ERBB4: variants seen among roughly 807,000 people sequenced by gnomAD.
The protein encoded by ERBB4 is receptor tyrosine-protein kinase erbB-4.
ERBB4 carries 42 observed loss-of-function variants against 158.0 expected under a neutral mutation model. The observed-to-expected ratio is 0.27, with a 90% CI of 0.21 to 0.34. The LOEUF is 0.34. Ranked by LOEUF, ERBB4 falls within the 10% of genes least tolerant of loss-of-function variation. The pLI is 1.00. For missense variants in ERBB4, 1,333 were observed against 1,624.1 expected (o/e 0.82, Z 3.08); for synonymous variants, 583 against 558.7 (o/e 1.04, Z -0.61).
intron 20 of ERBB4, among the ~76,000 whole-genome samples, chr2:211,481,447 T>C (rs1430041292): frequency 1.3e-5 from 2 of 152,098 alleles, no homozygotes; most frequent in Non-Finnish European, 2.9e-5. Flanking sequence ...GTATTTCAAA[T>C]ATTTGTAACT....
chr2:212,042,447 CATAAA>C (rs1169129539), intron 2 of ERBB4, among the ~76,000 whole-genome samples: 2 of 152,038 alleles, frequency 1.3e-5, no homozygotes, highest in Admixed American at 6.6e-5. Context: ...AAATTGGGAA[CATAAA>C]ATAAAATCAT....
At chr2:211,446,182 G>A (rs2064108387) in intron 20 of ERBB4, among the ~76,000 whole-genome samples, 1 of 152,154 alleles carries the variant, frequency 6.6e-6, no homozygotes, top group Non-Finnish European at 1.5e-5. Context: ...CTGTGCACCA[G>A]CACAGCAGGT....
chr2:212,251,750 A>G (rs1288327140), intron 1 of ERBB4, among the ~76,000 whole-genome samples: 1 of 152,036 alleles, frequency 6.6e-6, no homozygotes, highest in Non-Finnish European at 1.5e-5. Context: ...AAATGGTAGG[A>G]AATGAATTTA....
At chr2:211,423,581 A>C (rs1574462893) in intron 23 of ERBB4, among the ~76,000 whole-genome samples, 1 of 152,058 alleles carries the variant, frequency 6.6e-6, no homozygotes, top group African/African-American at 2.4e-5. Context: ...GAAAAGTAAG[A>C]GTTTGATGTA....
intron 20 of ERBB4, among the ~76,000 whole-genome samples, chr2:211,529,585 G>T (rs545802449): frequency 6.6e-6 from 1 of 152,068 alleles, no homozygotes; most frequent in East Asian, 1.9e-4. Context: ...GAACACTGAT[G>T]CAAAAATTTT....
intron 1 of ERBB4, among the ~76,000 whole-genome samples, chr2:212,271,707 G>T (rs1164292306): frequency 2.6e-5 from 4 of 151,824 alleles, no homozygotes. Flanking sequence ...TCTGATAAAA[G>T]CCTGCTCTTT....
intron 1 of ERBB4, among the ~76,000 whole-genome samples, chr2:212,361,251 A>T (rs1197200270): frequency 6.6e-6 from 1 of 151,620 alleles, no homozygotes; most frequent in African/African-American, 2.4e-5. Context: ...TGAGGCTTTC[A>T]GGAAGACTCT....
In ERBB4 at chr2:211,580,797, TA is replaced by T. The variant is rs1471677213; in HGVS notation, c.2302-18710del. Among the ~76,000 whole-genome samples the T allele has an allele frequency of 2.7e-4, 17 of 64,100 alleles. No homozygotes were observed. In the South Asian group the frequency reaches 5.4e-3, roughly 20 times the overall value. The allele number at this position is 64,100 out of a possible 152,430, so 42.1% of individuals were successfully genotyped here. A position where few individuals can be genotyped will look rare whatever the true frequency, so the allele number is the denominator to read the frequency against. ...AGATAAAGAAATTGTGATATATATA[TA>T]TATATATATATATAATATATATATA... On this transcript the variant is annotated intron_variant, in intron 19 of 27. Transcript: ENST00000342788.
At chr2:212,100,117 T>C (rs554304172) in intron 2 of ERBB4, among the ~76,000 whole-genome samples, 1 of 152,358 alleles carries the variant, frequency 6.6e-6, no homozygotes, top group South Asian at 2.1e-4. Context: ...TTTTTTTTGT[T>C]GTTTCTTTGT....
intron 2 of ERBB4, among the ~76,000 whole-genome samples, chr2:212,116,257 T>A (rs958237672): frequency 3.3e-5 from 5 of 151,756 alleles, no homozygotes; most frequent in African/African-American, 1.2e-4. Flanking sequence ...ATTAGATTGA[T>A]AAATACTAGT....
chr2:212,515,887 C>T (rs1056088105), intron 1 of ERBB4, among the ~76,000 whole-genome samples: 4 of 151,680 alleles, frequency 2.6e-5, no homozygotes, highest in African/African-American at 9.7e-5. Flanking sequence ...AGAGTTATCT[C>T]CAGCTTCTTA....
chr2:212,502,177 G>A (rs7578852), intron 1 of ERBB4, among the ~76,000 whole-genome samples: 2,120 of 152,000 alleles, frequency 0.014, 53 homozygotes, highest in African/African-American at 0.048. Flanking sequence ...ACTATATAAT[G>A]AGCTATAGCT....
chr2:211,772,094 T>G (rs2075704913), intron 4 of ERBB4, among the ~76,000 whole-genome samples: 1 of 152,208 alleles, frequency 6.6e-6, no homozygotes, highest in African/African-American at 2.4e-5. Context: ...TTGAGTTTAC[T>G]TACATCTACT....
chr2:212,094,778 G>T (rs1417699554), intron 2 of ERBB4, among the ~76,000 whole-genome samples: 7 of 152,070 alleles, frequency 4.6e-5, no homozygotes, highest in African/African-American at 1.7e-4. Context: ...AAATTATACA[G>T]TCTCAGGTAT....
At chr2:211,400,196 A>C (rs138247072) in intron 25 of ERBB4, among the ~76,000 whole-genome samples, 16 of 152,218 alleles carry the variant, frequency 1.1e-4, no homozygotes, top group African/African-American at 3.8e-4. Context: ...TCATCTGTAA[A>C]ATGGGGATAA....
At chr2:212,322,066 G>T (rs928583759) in intron 1 of ERBB4, among the ~76,000 whole-genome samples, 1 of 150,198 alleles carries the variant, frequency 6.7e-6, no homozygotes, top group African/African-American at 2.4e-5. Flanking sequence ...TTTCATCTTA[G>T]GAGTCATTAT....
chr2:211,550,284 G>A (rs1421791421), intron 20 of ERBB4, among the ~76,000 whole-genome samples: 1 of 151,668 alleles, frequency 6.6e-6, no homozygotes, highest in Non-Finnish European at 1.5e-5. Flanking sequence ...TCATATAACT[G>A]CAAGTTTGAT....
At chr2:212,149,243 T>A (rs2080788153) in intron 1 of ERBB4, among the ~76,000 whole-genome samples, 1 of 152,168 alleles carries the variant, frequency 6.6e-6, no homozygotes, top group Admixed American at 6.5e-5. Context: ...TATGATGAAT[T>A]TATCTTTCAT....
In ERBB4 at chr2:212,209,943, C is replaced by G. The variant is rs1574439479; in HGVS notation, c.83-85040G>C. ...TTTCCTTGTCACTTGCTTGACTGAC[C>G]TGCATTGTTTTTCAGCTGAATCAGA... On this transcript the variant is annotated intron_variant, in intron 1 of 27. Coordinates refer to ENST00000342788, the MANE Select transcript of ERBB4 (RefSeq NM_005235.3). Among the ~76,000 whole-genome samples the G allele has an allele frequency of 1.3e-5, 2 of 151,952 alleles. 1 individual carries two copies. The highest frequency in any genetic ancestry group is 3.9e-4 in the East Asian group (2 of 5,154).
Sources: allele counts gnomAD v4.1 joint callset (sites outside exome capture counted in the v4.1 genomes callset), GRCh38; gene constraint gnomAD v4.1.1; transcripts MANE v1.5; gene names NCBI Gene and HGNC (gene_info 2026-07-23, HGNC 2026-07-21).